Variants in EGR3 observed in about 807,000 individuals in gnomAD.
EGR3 encodes the protein early growth response 3, also known as early growth response protein 3.
A neutral mutation model predicts 22.4 loss-of-function variants in EGR3; 4 were observed. The ratio of observed to expected loss-of-function variants is 0.18; its 90% CI spans 0.09 to 0.41. The LOEUF (loss-of-function observed/expected upper bound fraction) is 0.41, where lower values mean the gene tolerates loss of function less well. Among genes scored for constraint, EGR3 ranks in the 10% least tolerant of loss-of-function variants. The pLI is 1.00. For synonymous variants in EGR3, 219 were observed against 226.8 expected, an observed-to-expected ratio of 0.97 and a Z score of 0.31; for missense variants, 315 against 541.3, an observed-to-expected ratio of 0.58 and a Z score of 4.15.
chr8:22,691,132 G>T lies in EGR3; in HGVS notation c.505C>A (p.Leu169Ile). 1 of 1,614,128 alleles carries T rather than the reference G, an allele frequency of 6.2e-7. No individual in the cohort carries two copies. Among genetic ancestry groups the T allele is most frequent in the Non-Finnish European group, 8.5e-7 (1 of 1,180,024 alleles). The change falls in exon 2 of 2, where the codon CTC (leucine) becomes ATC (isoleucine). Residue 169 changes from leucine (L) to isoleucine (I), a missense_variant. Physicochemically the swap from Leu to Ile is conservative, Grantham distance 5. Coordinates refer to ENST00000317216, the MANE Select transcript of EGR3 (RefSeq NM_004430.3). ...SFHDPQGNPG[L>I]AYSPQDYQSA... Reference sequence around the variant, plus strand: ...TGGTAATCCTGGGGGGAATAGGCGAGCCCGGGATTGCCCTGGGGGTCGTGG... The same window carrying T: ...TGGTAATCCTGGGGGGAATAGGCGATCCCGGGATTGCCCTGGGGGTCGTGG...
Position 22,693,347 on chromosome 8 carries a change from C to T in EGR3, c.-403G>A. 8.5e-6 allele frequency: 1 copy of T among 117,546 alleles called. No individual in the cohort carries two copies. The highest frequency in any genetic ancestry group is 1.7e-5 in the Non-Finnish European group (1 of 59,628). The allele number at this position is 117,546 out of a possible 1,614,324, so 7.3% of individuals were successfully genotyped here. A position where few individuals can be genotyped will look rare whatever the true frequency, so the allele number is the denominator to read the frequency against. The stretch of plus-strand genomic sequence containing the variant: ...CGCCGCCCCCCCGCCCCCCGATCTG[C>T]CACCGCCACCGCCACCGCCACCGCC... On this transcript the variant is annotated 5_prime_UTR_variant, in exon 1 of 2. Coordinates refer to ENST00000317216, the MANE Select transcript of EGR3 (RefSeq NM_004430.3).
intron 1 of EGR3, 38 bp from the exon 2 acceptor site, chr8:22,691,520 A>G: frequency 3.8e-6 from 6 of 1,599,060 alleles, no homozygotes; most frequent in Non-Finnish European, 5.1e-6. Flanking sequence ...GGGTGAGTGA[A>G]GCCGATCCGG....
In EGR3 at chr8:22,692,135, C is replaced by T. The variant is rs1803991339; in HGVS notation, c.155-653G>A. On this transcript the variant is annotated intron_variant, in intron 1 of 1. Coordinates refer to ENST00000317216, the MANE Select transcript of EGR3 (RefSeq NM_004430.3). The surrounding 1 kb of genome is among the most constrained non-coding windows in gnomAD (Gnocchi z 6.2). ...GGGAGGGTGGAGAGCGGCGGAAAAC[C>T]GGCCGGTGTCTCCATGGCGGGAGAG... 2.9e-6 allele frequency: 4 copies of T among 1,365,284 alleles called. 1 individual carries two copies. In the South Asian group the frequency reaches 5.1e-5, roughly 17 times the overall value. 84.6% of individuals were successfully genotyped at this position (1,365,284 alleles called of 1,614,324 possible). A position where few individuals can be genotyped will look rare whatever the true frequency, so the allele number is the denominator to read the frequency against.
In EGR3 at chr8:22,688,622, GA is replaced by G. The variant is rs1332749657; in HGVS notation, c.*1850del. The G allele has an allele frequency of 6.6e-6, 1 of 152,370 alleles. No individual in the cohort carries two copies. Among genetic ancestry groups the G allele is most frequent in the Non-Finnish European group, 1.5e-5 (1 of 68,000 alleles). The allele number at this position is 152,370 out of a possible 1,614,324, so 9.4% of individuals were successfully genotyped here. On this transcript the variant is annotated 3_prime_UTR_variant, in exon 2 of 2. Transcript: ENST00000317216. ...AATGGTACTTCTTTTTCTTAAAAAAGAAAAAAGTGGAAAACGCATAAAGTGA... is the reference window on the plus strand; with the variant it reads ...AATGGTACTTCTTTTTCTTAAAAAAGAAAAAGTGGAAAACGCATAAAGTGA...
rs1325031360 is a variant in EGR3, at chr8:22,690,551, C to T, written c.1086G>A (p.Lys362=). Residue 362 remains lysine (K), a synonymous_variant, in exon 2 of 2, where the codon AAG becomes AAA. Transcript: ENST00000317216. ...AKIHLKQKEK[K]AEKGGAPSAS... is the part of the protein sequence containing the mutation. The stretch of plus-strand genomic sequence containing the variant: ...CAGAGGGTGCACCGCCCTTCTCCGC[C>T]TTCTTCTCCTTTTGCTTGAGGTGGA... 3 of 1,613,798 alleles carry T rather than the reference C, an allele frequency of 1.9e-6. No individual in the cohort carries two copies. Among genetic ancestry groups the T allele is most frequent in the East Asian group, 2.2e-5 (1 of 44,882 alleles).
At position 22,687,990 on chromosome 8, in the gene EGR3, G is replaced by T; in HGVS notation, c.*2483C>A. 1 of 152,530 alleles carries T rather than the reference G, an allele frequency of 6.6e-6. No homozygotes were observed. 9.4% of individuals were successfully genotyped at this position (152,530 alleles called of 1,614,324 possible). A position where few individuals can be genotyped will look rare whatever the true frequency, so the allele number is the denominator to read the frequency against. ...AACATCCACAAAATATATTACATCT[G>T]GTTTGTCTTTTTTCTAAGTACTCAA... On this transcript the variant is annotated 3_prime_UTR_variant, in exon 2 of 2. Transcript: ENST00000317216. The surrounding 1 kb of genome is among the most constrained non-coding windows in gnomAD (Gnocchi z 4.7).
At chr8:22,691,849 C>T (rs1023529261) in intron 1 of EGR3, 1 of 985,386 alleles carries the variant, frequency 1.0e-6, no homozygotes, top group Non-Finnish European at 1.2e-6. Flanking sequence ...GCGCTGGGCT[C>T]TCGCTCTCCA....
In EGR3 at chr8:22,690,397, C is replaced by T; in HGVS notation, c.*76G>A. ...GGGCGCGGCCCCTACGCCTCCGTGGCTGGCTTTCCCGCTGCTTTCAGGCTA... is the reference window on the plus strand; with the variant it reads ...GGGCGCGGCCCCTACGCCTCCGTGGTTGGCTTTCCCGCTGCTTTCAGGCTA... On this transcript the variant is annotated 3_prime_UTR_variant, in exon 2 of 2. Transcript: ENST00000317216. 1 of 1,307,260 alleles carries T rather than the reference C, an allele frequency of 7.6e-7. No homozygotes were observed. Among genetic ancestry groups the T allele is most frequent in the Non-Finnish European group, 1.0e-6 (1 of 960,462 alleles). The allele number at this position is 1,307,260 out of a possible 1,614,324, so 81.0% of individuals were successfully genotyped here.
Position 22,692,179 on chromosome 8 carries a change from C to G in EGR3, c.154+612G>C, listed in dbSNP as rs1803993659. 1.4e-6 allele frequency: 2 copies of G among 1,382,234 alleles called. No individual in the cohort carries two copies. The highest frequency in any genetic ancestry group is 6.9e-5 in the Admixed American group (2 of 29,042). 85.6% of individuals were successfully genotyped at this position (1,382,234 alleles called of 1,614,324 possible). On this transcript the variant is annotated intron_variant, in intron 1 of 1. Transcript: ENST00000317216. This position sits in a 1 kb window ranked among gnomAD's most constrained non-coding sequence, Gnocchi z 6.2. ...GGGAGAGGCCGCCCTTCCCCAGCTC[C>G]CCGGCCCCGGGATCGTTCCCCGTGG...
Position 22,693,209 on chromosome 8 carries a change from TG to T in EGR3, c.-266del, listed in dbSNP as rs1409167322. On this transcript the variant is annotated 5_prime_UTR_variant, in exon 1 of 2. Coordinates refer to ENST00000317216, the MANE Select transcript of EGR3 (RefSeq NM_004430.3). ...GCTGGTGCGGTATGAGGCTGGGTCG[TG>T]GGGGGGGTGGGGCGTGTGCGGGGGG... is the stretch of plus-strand genomic sequence containing the variant. 1.4e-4 allele frequency: 7 copies of T among 48,284 alleles called. No individual in the cohort carries two copies. The highest frequency in any genetic ancestry group is 6.5e-4 in the East Asian group (1 of 1,538). 3.0% of individuals were successfully genotyped at this position (48,284 alleles called of 1,614,324 possible).
At position 22,691,166 on chromosome 8, in the gene EGR3, G is replaced by T; in HGVS notation, c.471C>A (p.Pro157=). 1 of 1,614,072 alleles carries T rather than the reference G, an allele frequency of 6.2e-7. No homozygotes were observed. Among genetic ancestry groups the T allele is most frequent in the Non-Finnish European group, 8.5e-7 (1 of 1,180,016 alleles). The change falls in exon 2 of 2, where the codon CCC becomes CCA. Residue 157 remains proline, a synonymous_variant. Coordinates refer to ENST00000317216, the MANE Select transcript of EGR3 (RefSeq NM_004430.3). ...YSNCGDLYSE[P]VSFHDPQGNP... The stretch of plus-strand genomic sequence containing the variant: ...TGCCCTGGGGGTCGTGGAAAGACAC[G>T]GGCTCTGAGTAGAGGTCGCCGCAGT...
In EGR3 at chr8:22,691,135, C is replaced by T. The variant is rs769665881; in HGVS notation, c.502G>A (p.Gly168Arg). Residue 168 changes from glycine to arginine, a missense_variant, in exon 2 of 2, where the codon GGG (glycine) becomes AGG (arginine). By Grantham distance (125) the Gly-to-Arg change is moderately radical (BLOSUM62 -2). This residue lies in a region of EGR3 where 227 missense variants were observed against 303.6 expected (regional missense o/e 0.75). Transcript: ENST00000317216. Reference protein sequence around the residue: ...VSFHDPQGNPGLAYSPQDYQS... With the variant: ...VSFHDPQGNPRLAYSPQDYQS... ...TAATCCTGGGGGGAATAGGCGAGCC[C>T]GGGATTGCCCTGGGGGTCGTGGAAA... 3.1e-6 allele frequency: 5 copies of T among 1,613,894 alleles called. No homozygotes were observed.
In EGR3 at chr8:22,692,794, T is replaced by C. The variant is rs771244734; in HGVS notation, c.151A>G (p.Thr51Ala). 1 of 1,612,352 alleles carries C rather than the reference T, an allele frequency of 6.2e-7. No homozygotes were observed. The highest frequency in any genetic ancestry group is 8.5e-7 in the Non-Finnish European group (1 of 1,179,266). Residue 51 changes from threonine to alanine, a missense_variant, in exon 1 of 2, where the codon ACA (threonine) becomes GCA (alanine). Thr to Ala is a moderately conservative substitution (Grantham distance 58, BLOSUM62 0). This residue lies in a region of EGR3 where 227 missense variants were observed against 303.6 expected (regional missense o/e 0.75). Coordinates refer to ENST00000317216, the MANE Select transcript of EGR3 (RefSeq NM_004430.3). The surrounding 1 kb of genome is among the most constrained non-coding windows in gnomAD (Gnocchi z 6.2). ...DSVVHYNQMA[T>A]ENVMDIGLTN... ...GCCGCCTCCCCGCCGCCCTTACCTGTAGCCATCTGATTGTAATGGACTACC... is the reference window on the plus strand; with the variant it reads ...GCCGCCTCCCCGCCGCCCTTACCTGCAGCCATCTGATTGTAATGGACTACC...
rs542831335 is a variant in EGR3, at chr8:22,691,487, G to A, written c.155-5C>T. The A allele has an allele frequency of 4.3e-6, 7 of 1,611,474 alleles. No individual in the cohort carries two copies. Among genetic ancestry groups the A allele is most frequent in the South Asian group, 1.1e-5 (1 of 91,054 alleles). On this transcript the variant is annotated splice_polypyrimidine_tract_variant and splice_region_variant and intron_variant, in intron 1 of 1. Coordinates refer to ENST00000317216, the MANE Select transcript of EGR3 (RefSeq NM_004430.3). ...GACCGATGTCCATTACATTCTCTGC[G>A]GAGAGCGGGGGAGAGAGGGGAGGGG...
At chr8:22,691,899 C>G in intron 1 of EGR3, 1 of 1,229,114 alleles carries the variant, frequency 8.1e-7, no homozygotes, top group Admixed American at 4.0e-5. Flanking sequence ...CCTGTCCGCT[C>G]CAGGACGCCG....
In EGR3 at chr8:22,693,099, G is replaced by A. The variant is rs878903890; in HGVS notation, c.-155C>T. On this transcript the variant is annotated 5_prime_UTR_variant, in exon 1 of 2. Coordinates refer to ENST00000317216, the MANE Select transcript of EGR3 (RefSeq NM_004430.3). ...TTCGGGGGGAGGGGGGAGGGAAGAAGGGAAGGGATGGGCCAGGAGAGGGGA... is the reference window on the plus strand; with the variant it reads ...TTCGGGGGGAGGGGGGAGGGAAGAAAGGAAGGGATGGGCCAGGAGAGGGGA... 2.1e-6 allele frequency: 2 copies of A among 969,148 alleles called. No homozygotes were observed. The highest frequency in any genetic ancestry group is 3.1e-5 in the South Asian group (2 of 64,102). 60.0% of individuals were successfully genotyped at this position (969,148 alleles called of 1,614,324 possible).
rs1406017671 is a variant in EGR3, at chr8:22,690,075, GT to G, written c.*397del. On this transcript the variant is annotated 3_prime_UTR_variant, in exon 2 of 2. Transcript: ENST00000317216. ...CTCCCCCTCTCGAGTCTTCGAGGGGGTATAGAGGGAGACGTGGGGGAAACAA... is the reference window on the plus strand; with the variant it reads ...CTCCCCCTCTCGAGTCTTCGAGGGGGATAGAGGGAGACGTGGGGGAAACAA... 4.2e-6 allele frequency: 1 copy of G among 237,018 alleles called. No homozygotes were observed. The highest frequency in any genetic ancestry group is 2.3e-5 in the African/African-American group (1 of 43,666). 14.7% of individuals were successfully genotyped at this position (237,018 alleles called of 1,614,324 possible).
rs1803932477 is a variant in EGR3, at chr8:22,691,001, G to C, written c.636C>G (p.Phe212Leu). 1 of 1,583,356 alleles carries C rather than the reference G, an allele frequency of 6.3e-7. No homozygotes were observed. Among genetic ancestry groups the C allele is most frequent in the Admixed American group, 1.7e-5 (1 of 58,428 alleles). ...DMGSIPEHKP[F>L]QGMDPIRVNP... ...TGACCCGGATGGGGTCCATGCCCTG[G>C]AAGGGCTTGTGCTCCGGAATGGAGC... The change falls in exon 2 of 2, where the codon TTC (phenylalanine) becomes TTG (leucine). Residue 212 changes from phenylalanine (F) to leucine (L), a missense_variant. Physicochemically the swap from Phe to Leu is conservative, Grantham distance 22. Coordinates refer to ENST00000317216, the MANE Select transcript of EGR3 (RefSeq NM_004430.3).
rs1324352646 is a variant in EGR3 at position 22,690,820 on chromosome 8, G to T, written c.817C>A (p.Arg273=). Residue 273 remains arginine (R), a synonymous_variant, in exon 2 of 2, where the codon CGG becomes AGG. Coordinates refer to ENST00000317216, the MANE Select transcript of EGR3 (RefSeq NM_004430.3). ...CCCTCGGCCGGGCACGCGTGGGGCCGTTCGTGGAGCGGTGTCTTGCTAGGC... is the reference window on the plus strand; with the variant it reads ...CCCTCGGCCGGGCACGCGTGGGGCCTTTCGTGGAGCGGTGTCTTGCTAGGC... ...NRPSKTPLHE[R]PHACPAEGCD... 1 of 1,611,232 alleles carries T rather than the reference G, an allele frequency of 6.2e-7. No individual in the cohort carries two copies. The highest frequency in any genetic ancestry group is 1.3e-5 in the African/African-American group (1 of 74,876).
Sources: gnomAD v4.1 joint callset for allele counts on GRCh38, gnomAD v4.1.1 for gene constraint, gnomAD v4.1.1 regional missense constraint, Gnocchi (gnomAD v3.1) non-coding constraint, MANE v1.5 for transcripts, NCBI Gene and HGNC (gene_info 2026-07-23, HGNC 2026-07-21) for gene names.